Variants in CLSTN2 observed in about 807,000 individuals in gnomAD.
CLSTN2 encodes calsyntenin-2.
A neutral mutation model predicts 101.2 loss-of-function variants in CLSTN2; 48 were observed. The ratio of observed to expected loss-of-function variants is 0.47; its 90% confidence interval spans 0.38 to 0.60. The LOEUF (loss-of-function observed/expected upper bound fraction) is 0.60. Among genes scored for constraint, CLSTN2 ranks in the 20% least tolerant of loss-of-function variants. CLSTN2 has a pLI of 0.00. For synonymous variants in CLSTN2, 481 were observed against 463.6 expected, an observed-to-expected ratio of 1.04 and a Z score of -0.48; for missense variants, 1,160 against 1,238.2, an observed-to-expected ratio of 0.94 and a Z score of 0.95.
At chr3:139,972,846 AGTATTACAT>A (rs1935739462) in intron 1 of CLSTN2, among the ~76,000 whole-genome samples, 1 of 152,198 alleles carries the variant, frequency 6.6e-6, no homozygotes, top group South Asian at 2.1e-4. Context: ...TCTCAGTAGT[AGTATTACAT>A]GACTGGATGG....
At chr3:140,136,990 T>C (rs963406718) in intron 1 of CLSTN2, among the ~76,000 whole-genome samples, 2 of 152,198 alleles carry the variant, frequency 1.3e-5, no homozygotes, top group African/African-American at 2.4e-5. Flanking sequence ...GGTTATTTTA[T>C]CACAATTGTA....
intron 6 of CLSTN2, chr3:140,454,430 A>ATGATAGTT (rs1933343492): frequency 6.6e-6 from 1 of 152,180 alleles, no homozygotes; most frequent in Non-Finnish European, 1.5e-5. Flanking sequence ...TAGAAGTGAA[A>ATGATAGTT]TGATAGTTTT....
At chr3:140,084,585 C>T (rs2107782720) in intron 1 of CLSTN2, among the ~76,000 whole-genome samples, 1 of 152,234 alleles carries the variant, frequency 6.6e-6, no homozygotes, top group Non-Finnish European at 1.5e-5. Flanking sequence ...GAATGTGTTG[C>T]TGTTTTATGG....
intron 2 of CLSTN2, among the ~76,000 whole-genome samples, chr3:140,313,091 G>C (rs1315010172): frequency 6.6e-6 from 1 of 152,072 alleles, no homozygotes; most frequent in Non-Finnish European, 1.5e-5. Context: ...CTACGTACTG[G>C]GGATATAAAG....
At position 140,558,099 on chromosome 3, in the gene CLSTN2, A is replaced by G. The variant is rs538067069; in HGVS notation, c.1824-541A>G. Among the ~76,000 whole-genome samples the G allele has an allele frequency of 4.6e-5, 7 of 152,322 alleles. No homozygotes were observed. In the South Asian group the frequency reaches 1.4e-3, roughly 32 times the overall value. On this transcript the variant is annotated intron_variant, in intron 11 of 16. Transcript: ENST00000458420. Reference sequence around the variant, plus strand: ...TCTCAGACCTCGCTCTTTTGGTCACACCATTTCTGCCTCCCAGATAATTGT... The same window carrying G: ...TCTCAGACCTCGCTCTTTTGGTCACGCCATTTCTGCCTCCCAGATAATTGT...
intron 8 of CLSTN2, among the ~76,000 whole-genome samples, chr3:140,516,831 A>G (rs1472617105): frequency 1.3e-5 from 2 of 152,114 alleles, no homozygotes; most frequent in Non-Finnish European, 2.9e-5. Flanking sequence ...TTTTGTGATA[A>G]ATTTCCAAGG....
intron 1 of CLSTN2, among the ~76,000 whole-genome samples, chr3:139,972,245 C>T (rs569298080): frequency 1.3e-5 from 2 of 151,912 alleles, no homozygotes; most frequent in Admixed American, 6.6e-5. Context: ...GCCTGGGCGA[C>T]AGAGTGGGAC....
intron 8 of CLSTN2, among the ~76,000 whole-genome samples, chr3:140,526,105 T>G (rs1935132194): frequency 1.3e-5 from 2 of 152,022 alleles, no homozygotes; most frequent in South Asian, 4.1e-4. Flanking sequence ...AGAAATAAAA[T>G]GCATCCAAAT....
chr3:140,434,927 C>T (rs2088671408), intron 5 of CLSTN2, among the ~76,000 whole-genome samples: 1 of 151,288 alleles, frequency 6.6e-6, no homozygotes, highest in African/African-American at 2.4e-5. Context: ...TTATTTTTAC[C>T]ACTTTTGTGG....
chr3:140,298,663 A>G (rs952631768), intron 2 of CLSTN2, among the ~76,000 whole-genome samples: 10 of 152,228 alleles, frequency 6.6e-5, no homozygotes, highest in African/African-American at 2.4e-4. Context: ...TTGTTCATTC[A>G]TTCACAAAGC....
intron 10 of CLSTN2, among the ~76,000 whole-genome samples, chr3:140,547,510 A>G (rs1935619361): frequency 1.3e-5 from 2 of 152,158 alleles, no homozygotes; most frequent in South Asian, 4.1e-4. Context: ...GAAAAAGAAA[A>G]AAAACATGAA....
At chr3:140,126,262 G>A (rs1380373486) in intron 1 of CLSTN2, among the ~76,000 whole-genome samples, 1 of 152,118 alleles carries the variant, frequency 6.6e-6, no homozygotes, top group Non-Finnish European at 1.5e-5. Context: ...AGTGCTTGGA[G>A]AATGGCATGG....
chr3:140,551,347 C>G lies in CLSTN2; in HGVS notation c.1674+4666C>G, dbSNP rs1935695234. ...TTGCTTTACCTGTCTTCTTCTGAAT[C>G]ATGCATATTTATGAATATTTCTCCA... On this transcript the variant is annotated intron_variant, in intron 10 of 16. Transcript: ENST00000458420. Among the ~76,000 whole-genome samples the G allele has an allele frequency of 3.3e-5, 5 of 152,216 alleles. No homozygotes were observed. In the South Asian group the frequency reaches 6.2e-4, roughly 19 times the overall value.
chr3:140,163,345 G>C (rs576805441), intron 1 of CLSTN2, among the ~76,000 whole-genome samples: 2 of 151,714 alleles, frequency 1.3e-5, no homozygotes, highest in African/African-American at 2.4e-5. Context: ...CAGCCTGCAG[G>C]CCTGACCTAC....
chr3:140,536,553 G>C lies in CLSTN2; in HGVS notation c.1507+4067G>C, dbSNP rs529883158. Among the ~76,000 whole-genome samples the C allele has an allele frequency of 8.7e-4, 132 of 152,254 alleles. 1 individual carries two copies. Among genetic ancestry groups the C allele is most frequent in the African/African-American group, 3.0e-3 (126 of 41,556 alleles). ...TTCACTGATGGTCAGAAAGGTAAAT[G>C]AAGCTGGAAAATAATCAGAAGACAG... On this transcript the variant is annotated intron_variant, in intron 9 of 16. Coordinates refer to ENST00000458420, the MANE Select transcript of CLSTN2 (RefSeq NM_022131.3).
chr3:140,123,460 C>G (rs1223473593), intron 1 of CLSTN2, among the ~76,000 whole-genome samples: 6 of 152,068 alleles, frequency 3.9e-5, no homozygotes. Flanking sequence ...GTCACTCAGA[C>G]AGTAAACCTC....
chr3:140,030,528 C>T (rs555526227), intron 1 of CLSTN2, among the ~76,000 whole-genome samples: 1 of 152,218 alleles, frequency 6.6e-6, no homozygotes, highest in Non-Finnish European at 1.5e-5. Flanking sequence ...AGGTCACTCA[C>T]TAGGCAGGTG....
At chr3:140,264,456 A>G (rs1054366980) in intron 2 of CLSTN2, among the ~76,000 whole-genome samples, 6 of 148,106 alleles carry the variant, frequency 4.1e-5, no homozygotes, top group African/African-American at 1.5e-4. Context: ...ACAGGAACAC[A>G]CATAATGCAA....
At chr3:140,284,242 AT>A (rs555985462) in intron 2 of CLSTN2, among the ~76,000 whole-genome samples, 2 of 152,312 alleles carry the variant, frequency 1.3e-5, no homozygotes, top group Admixed American at 6.5e-5. Context: ...AAATTCTATT[AT>A]TTTTTTTAAA....
Sources: gnomAD v4.1 joint callset for allele counts (sites outside exome capture counted in the v4.1 genomes callset) on GRCh38, gnomAD v4.1.1 for gene constraint, MANE v1.5 for transcripts, NCBI Gene and HGNC (gene_info 2026-07-23, HGNC 2026-07-21) for gene names.